GDPD4: variants seen among roughly 807,000 people sequenced by gnomAD.
GDPD4 encodes glycerophosphodiester phosphodiesterase 6.
In GDPD4, 60 loss-of-function variants were observed where a neutral mutation model predicts 67.8. That is an observed-to-expected ratio of 0.88 (90% CI 0.72 to 1.10). The LOEUF (loss-of-function observed/expected upper bound fraction) is 1.10, where lower values mean the gene tolerates loss of function less well. Ranked by LOEUF, GDPD4 falls within the 50% of genes least tolerant of loss-of-function variation. The pLI, the probability that GDPD4 is intolerant of heterozygous loss-of-function variation, is 0.00. For synonymous variants in GDPD4, 212 were observed against 210.9 expected (o/e 1.00, Z -0.04); for missense variants, 623 against 613.9 (o/e 1.01, Z -0.16).
chr11:77,285,649 T>C (rs1959964805), intron 2 of GDPD4, among the ~76,000 whole-genome samples: 1 of 152,262 alleles, frequency 6.6e-6, no homozygotes, highest in Non-Finnish European at 1.5e-5. Flanking sequence ...ATAATTTTTT[T>C]TAAGTAGCTA....
intron 14 of GDPD4, among the ~76,000 whole-genome samples, chr11:77,230,388 C>T (rs1958430326): frequency 6.6e-6 from 1 of 152,142 alleles, no homozygotes; most frequent in Non-Finnish European, 1.5e-5. Context: ...TTCAAAGAAA[C>T]TAAGTCAAAT....
At position 77,230,719 on chromosome 11, in the gene GDPD4, T is replaced by C. The variant is rs1958438076; in HGVS notation, c.1390-1487A>G. On this transcript the variant is annotated intron_variant, in intron 14 of 16. Coordinates refer to ENST00000315938, the MANE Select transcript of GDPD4 (RefSeq NM_182833.3). The stretch of plus-strand genomic sequence containing the variant: ...AAGTATGTATGTGGCATACTGTTTA[T>C]AAAAATGACCACAAAATTCCTTCCA... 2.0e-5 allele frequency among the ~76,000 whole-genome samples: 3 copies of C among 152,184 alleles called. No homozygotes were observed. The South Asian group carries it at 6.2e-4, about 31-fold the overall frequency.
chr11:77,241,638 T>TTAA (rs1555117054), intron 13 of GDPD4, among the ~76,000 whole-genome samples: 13 of 60,824 alleles, frequency 2.1e-4, no homozygotes, highest in East Asian at 5.3e-4. Flanking sequence ...ACCCTGTCTT[T>TTAA]AAAAAAAAAA....
chr11:77,260,188 T>C (rs1324229602), intron 10 of GDPD4, among the ~76,000 whole-genome samples: 1 of 152,028 alleles, frequency 6.6e-6, no homozygotes, highest in Admixed American at 6.6e-5. Flanking sequence ...ACGCCTGTAG[T>C]CCCAGCTACT....
At chr11:77,222,050 C>T (rs1958236932) in intron 16 of GDPD4, among the ~76,000 whole-genome samples, 1 of 152,070 alleles carries the variant, frequency 6.6e-6, no homozygotes, top group South Asian at 2.1e-4. Flanking sequence ...ATTGCAACCC[C>T]TGCTTTTTTG....
intron 11 of GDPD4, among the ~76,000 whole-genome samples, chr11:77,251,030 ATG>A (rs1348345638): frequency 6.6e-6 from 1 of 152,012 alleles, no homozygotes; most frequent in East Asian, 1.9e-4. Context: ...TTCTGTCTGT[ATG>A]TGTCTTTACA....
In GDPD4 at chr11:77,221,618, C is replaced by G. The variant is rs187778445; in HGVS notation, c.1526-4304G>C. Among the ~76,000 whole-genome samples the G allele has an allele frequency of 2.6e-5, 4 of 152,250 alleles. No individual in the cohort carries two copies. In the East Asian group the frequency reaches 7.7e-4, roughly 29 times the overall value. ...GAGACAGTTTGTTGTGATTTCTGTT[C>G]TTTTACATTTGCTGAGGAGTGCTTT... On this transcript the variant is annotated intron_variant, in intron 16 of 16. Transcript: ENST00000315938.
rs1341959493 is a variant in GDPD4 at position 77,217,282 on chromosome 11, T to C, written c.1558A>G (p.Arg520Gly). The C allele has an allele frequency of 1.2e-6, 2 of 1,607,594 alleles. No individual in the cohort carries two copies. The highest frequency in any genetic ancestry group is 4.5e-5 in the East Asian group (2 of 44,876). ...CTATGTGCAAATCTATCTATCTATC[T>C]ATCTTCCTCATTCTTACTTCCACTC... ...TQSGSKNEED[R>G] The change falls in exon 17 of 17, where the codon AGA (arginine) becomes GGA (glycine). Residue 520 changes from arginine to glycine, a missense_variant. Transcript: ENST00000315938.
intron 13 of GDPD4, among the ~76,000 whole-genome samples, chr11:77,236,810 G>A (rs1958578612): frequency 6.6e-6 from 1 of 152,126 alleles, no homozygotes; most frequent in African/African-American, 2.4e-5. Flanking sequence ...ATTGGTAACT[G>A]ACAGATAGCA....
chr11:77,279,509 TAAAAAG>T (rs1959655012), intron 3 of GDPD4, 110 bp from the exon 4 acceptor site: 1 of 554,704 alleles, frequency 1.8e-6, no homozygotes, highest in South Asian at 2.0e-5. Context: ...TGTAGGGAGA[TAAAAAG>T]AAGCAGTGTG....
intron 5 of GDPD4, among the ~76,000 whole-genome samples, 200 bp downstream of exon 5, chr11:77,275,961 G>C (rs1332227178): frequency 6.6e-6 from 1 of 152,172 alleles, no homozygotes; most frequent in Admixed American, 6.5e-5. Flanking sequence ...CTCGGGTTCA[G>C]CTCCCTCCAT....
At chr11:77,277,391 C>CGTTTTTTTTTTT (rs1959522144) in intron 4 of GDPD4, among the ~76,000 whole-genome samples, 1 of 58,328 alleles carries the variant, frequency 1.7e-5, no homozygotes, top group Non-Finnish European at 3.1e-5. Flanking sequence ...GCCATGTTTC[C>CGTTTTTTTTTTT]TTTTTTTTTT....
At chr11:77,244,604 C>T (rs1013252018) in intron 12 of GDPD4, among the ~76,000 whole-genome samples, 1 of 151,868 alleles carries the variant, frequency 6.6e-6, no homozygotes, top group African/African-American at 2.4e-5. Context: ...TTTGGAAGGC[C>T]GAGGCAAGAG....
At chr11:77,242,019 A>G (rs76810552) in intron 13 of GDPD4, among the ~76,000 whole-genome samples, 1 of 152,166 alleles carries the variant, frequency 6.6e-6, no homozygotes, top group Non-Finnish European at 1.5e-5. Flanking sequence ...ACTGAAAAGT[A>G]GAATGTTGGT....
intron 1 of GDPD4, among the ~76,000 whole-genome samples, chr11:77,295,442 G>A (rs190716118): frequency 2.0e-5 from 3 of 151,936 alleles, no homozygotes; most frequent in African/African-American, 7.2e-5. Flanking sequence ...GACCAGCCTG[G>A]GCAACATAGT....
At chr11:77,264,545 A>G (rs1186957603) in intron 10 of GDPD4, among the ~76,000 whole-genome samples, 5 of 152,188 alleles carry the variant, frequency 3.3e-5, no homozygotes, top group African/African-American at 9.6e-5. Flanking sequence ...CCAAATAAAG[A>G]AAGTCTTTCA....
intron 2 of GDPD4, among the ~76,000 whole-genome samples, chr11:77,286,702 T>C (rs1960010756): frequency 6.6e-6 from 1 of 152,192 alleles, no homozygotes; most frequent in Non-Finnish European, 1.5e-5. Flanking sequence ...GGCTTACAAA[T>C]AGAGGCCCTA....
At chr11:77,244,072 G>A (rs1233622273) in intron 12 of GDPD4, among the ~76,000 whole-genome samples, 1 of 152,188 alleles carries the variant, frequency 6.6e-6, no homozygotes, top group Admixed American at 6.5e-5. Flanking sequence ...CTGGAGTGCA[G>A]TGGCACAATC....
At chr11:77,256,290 T>C (rs953580906) in intron 11 of GDPD4, among the ~76,000 whole-genome samples, 16 of 152,340 alleles carry the variant, frequency 1.1e-4, no homozygotes, top group African/African-American at 3.8e-4. Context: ...TAATTCAATA[T>C]ATACATCCTA....
Sources: allele counts gnomAD v4.1 joint callset (sites outside exome capture counted in the v4.1 genomes callset), GRCh38; gene constraint gnomAD v4.1.1; transcripts MANE v1.5; gene names NCBI Gene and HGNC (gene_info 2026-07-23, HGNC 2026-07-21).